Variants in IFT122 observed in about 807,000 individuals in gnomAD.
IFT122 encodes intraflagellar transport protein 122 homolog.
Under a neutral mutation model 161.6 loss-of-function variants are expected in IFT122, and 118 were observed. That is an observed-to-expected ratio of 0.73 (90% CI 0.63 to 0.85). The LOEUF is 0.85. Ranked by LOEUF, IFT122 falls within the 40% of genes least tolerant of loss-of-function variation. IFT122 has a pLI of 0.00. For synonymous variants in IFT122, 550 were observed against 602.4 expected (o/e 0.91, Z 1.27); for missense variants, 1,381 against 1,579.6 (o/e 0.87, Z 2.13).
chr3:129,479,948 C>T, intron 13 of IFT122, 26 bp downstream of exon 13: 1 of 1,613,394 alleles, frequency 6.2e-7, no homozygotes, highest in Non-Finnish European at 8.5e-7. Flanking sequence ...CGTCTCCTGT[C>T]AGGCTGATAA....
intron 24 of IFT122, chr3:129,513,934 C>T: frequency 3.1e-6 from 1 of 324,092 alleles, no homozygotes; most frequent in Non-Finnish European, 6.1e-6. Context: ...GAAGGGTGTG[C>T]AGACAGAGTG....
intron 4 of IFT122, chr3:129,459,355 T>C (rs1265472710): frequency 9.0e-6 from 4 of 443,320 alleles, no homozygotes; most frequent in Admixed American, 2.4e-5. Flanking sequence ...AGTGGCACGA[T>C]CTCGGCTCAC....
At chr3:129,494,090 G>C (rs984775450) in intron 17 of IFT122, among the ~76,000 whole-genome samples, 2 of 152,190 alleles carry the variant, frequency 1.3e-5, no homozygotes, top group Admixed American at 1.3e-4. Flanking sequence ...GAAAGAACCT[G>C]CCCATGTTGA....
At chr3:129,471,096 A>G (rs1394473208) in intron 9 of IFT122, among the ~76,000 whole-genome samples, 2 of 152,218 alleles carry the variant, frequency 1.3e-5, no homozygotes, top group Non-Finnish European at 2.9e-5. Context: ...GGTGCTGGGT[A>G]CAGATTTCAC....
chr3:129,502,604 G>A (rs2081703366), intron 19 of IFT122, 107 bp from the exon 20 acceptor site: 1 of 1,276,372 alleles, frequency 7.8e-7, no homozygotes. Flanking sequence ...CAACTCCCAT[G>A]GGCCATGGCA....
chr3:129,492,091 T>C (rs1159604497), intron 16 of IFT122, 50 bp from the exon 17 acceptor site: 1 of 1,468,498 alleles, frequency 6.8e-7, no homozygotes, highest in East Asian at 2.3e-5. Flanking sequence ...AATCACCCAC[T>C]TTTGAAGCCA....
At chr3:129,440,495 G>A in intron 1 of IFT122, 124 bp downstream of exon 1, 1 of 1,192,038 alleles carries the variant, frequency 8.4e-7, no homozygotes, top group Non-Finnish European at 1.2e-6. Context: ...CTGAACCCCG[G>A]CCTGGGAGAC....
intron 7 of IFT122, among the ~76,000 whole-genome samples, chr3:129,466,495 C>CTTTTT (rs527470540): frequency 5.1e-4 from 52 of 102,164 alleles, no homozygotes; most frequent in Non-Finnish European, 8.1e-4. Flanking sequence ...TATTTTTATT[C>CTTTTT]TTTTTTTTTT....
At chr3:129,470,198 A>G (rs1163663830) in intron 9 of IFT122, among the ~76,000 whole-genome samples, 1 of 152,070 alleles carries the variant, frequency 6.6e-6, no homozygotes, top group Non-Finnish European at 1.5e-5. Flanking sequence ...AGAGTTTGTG[A>G]CCTGAAAACA....
At chr3:129,481,299 G>A in intron 13 of IFT122, 1 of 516,692 alleles carries the variant, frequency 1.9e-6, no homozygotes, top group Non-Finnish European at 3.6e-6. Flanking sequence ...CCTGTCTCAG[G>A]GCTGTCATTA....
chr3:129,453,401 A>T (rs2075087236), intron 3 of IFT122, among the ~76,000 whole-genome samples: 2 of 152,142 alleles, frequency 1.3e-5, no homozygotes, highest in African/African-American at 2.4e-5. Context: ...GCCTCAGAGA[A>T]TGGGACAGCG....
chr3:129,443,476 A>G (rs1219974557), intron 1 of IFT122, among the ~76,000 whole-genome samples: 1 of 152,248 alleles, frequency 6.6e-6, no homozygotes. Flanking sequence ...AGCAGGGGCT[A>G]GATGGCCATC....
At chr3:129,489,303 C>T (rs2079733966) in intron 16 of IFT122, among the ~76,000 whole-genome samples, 1 of 152,160 alleles carries the variant, frequency 6.6e-6, no homozygotes, top group Non-Finnish European at 1.5e-5. Context: ...GGCTCTGGGA[C>T]CTCAGGCCAG....
At chr3:129,468,125 T>A (rs930776252) in intron 8 of IFT122, among the ~76,000 whole-genome samples, 1 of 152,212 alleles carries the variant, frequency 6.6e-6, no homozygotes, top group Non-Finnish European at 1.5e-5. Context: ...CTCATTAACA[T>A]CCCTCTCGGT....
rs1479194571 is a variant in IFT122, at chr3:129,520,400, G to A, written c.*135G>A. 8.1e-6 allele frequency: 6 copies of A among 737,328 alleles called. No individual in the cohort carries two copies. The highest frequency in any genetic ancestry group is 2.0e-5 in the Admixed American group (1 of 49,918). 45.7% of individuals were successfully genotyped at this position (737,328 alleles called of 1,614,324 possible). A position where few individuals can be genotyped will look rare whatever the true frequency, so the allele number is the denominator to read the frequency against. ...TTGTGTTTTGTGGGGGGGGCCTTGT[G>A]TAACCACGGAATTCCTATTTATGGC... On this transcript the variant is annotated 3_prime_UTR_variant, in exon 30 of 30. Coordinates refer to ENST00000348417, the MANE Select transcript of IFT122 (RefSeq NM_052989.3).
chr3:129,519,570 A>G lies in IFT122; in HGVS notation c.3474A>G (p.Gln1158=), dbSNP rs750477155. ...CCTCCTTCCCGCCCACCCTGCAGCA[A>G]GGTGGCTCAGAGTTCGTGCCAGTGG... ...DPFTAKLSFE[Q]GGSEFVPVVV... is the part of the protein sequence containing the mutation. Residue 1158 remains glutamine (Q), a splice_region_variant and synonymous_variant, in exon 29 of 30, where the codon CAA becomes CAG. Transcript: ENST00000348417. The G allele has an allele frequency of 1.9e-5, 31 of 1,613,202 alleles. No homozygotes were observed. In the South Asian group the frequency reaches 3.2e-4, roughly 17 times the overall value.
At chr3:129,484,240 C>T (rs746380030) in intron 15 of IFT122, among the ~76,000 whole-genome samples, 7 of 152,072 alleles carry the variant, frequency 4.6e-5, no homozygotes, top group Non-Finnish European at 8.8e-5. Flanking sequence ...CACAGACAGG[C>T]GCCTGAGATT....
At chr3:129,502,436 G>A (rs896470446) in intron 19 of IFT122, among the ~76,000 whole-genome samples, 2 of 152,216 alleles carry the variant, frequency 1.3e-5, no homozygotes, top group African/African-American at 4.8e-5. Context: ...CCTGGTAGGG[G>A]ATTAGGAGAT....
Position 129,502,721 on chromosome 3 carries a change from A to ATC in IFT122, c.2387_2388dup (p.Ala797SerfsTer34), listed in dbSNP as rs2108545400. On this transcript the variant is annotated frameshift_variant, in exon 20 of 30. Coordinates refer to ENST00000348417, the MANE Select transcript of IFT122 (RefSeq NM_052989.3). LOFTEE classifies it high-confidence loss of function. Reference sequence around the variant, plus strand: ...CCCTTCCCTCTCCAGGTTGATCGACATCGCCCGCAAACTGGACAAGGCTGA... The same window carrying ATC: ...CCCTTCCCTCTCCAGGTTGATCGACATCTCGCCCGCAAACTGGACAAGGCTGA... 6.2e-7 allele frequency: 1 copy of ATC among 1,607,774 alleles called. No individual in the cohort carries two copies. Among genetic ancestry groups the ATC allele is most frequent in the Non-Finnish European group, 8.5e-7 (1 of 1,179,992 alleles).
Sources: gnomAD v4.1 joint callset for allele counts (sites outside exome capture counted in the v4.1 genomes callset) on GRCh38, gnomAD v4.1.1 for gene constraint, MANE v1.5 for transcripts, NCBI Gene and HGNC (gene_info 2026-07-23, HGNC 2026-07-21) for gene names.